The following SRGAP3 variants were observed in gnomAD, a reference collection of about 807,000 sequenced individuals.
SRGAP3 encodes the protein SLIT-ROBO Rho GTPase-activating protein 3.
SRGAP3 carries 39 observed loss-of-function variants against 121.1 expected under a neutral mutation model. The observed-to-expected ratio is 0.32, with a 90% CI of 0.25 to 0.42. SRGAP3 has a LOEUF of 0.42. Among genes scored for constraint, SRGAP3 ranks in the 10% least tolerant of loss-of-function variants. The pLI is 1.00. For synonymous variants in SRGAP3, 601 were observed against 570.0 expected (o/e 1.05, Z -0.77); for missense variants, 1,213 against 1,470.6 (o/e 0.82, Z 2.86).
intron 14 of SRGAP3, among the ~76,000 whole-genome samples, chr3:9,022,238 G>C (rs1024257918): frequency 1.3e-5 from 2 of 152,220 alleles, no homozygotes; most frequent in Admixed American, 1.3e-4. Context: ...TGAGGCAGGA[G>C]AATCACTTGA....
At chr3:9,071,326 C>T (rs1368323903) in intron 4 of SRGAP3, among the ~76,000 whole-genome samples, 1 of 152,068 alleles carries the variant, frequency 6.6e-6, no homozygotes. Flanking sequence ...TCTCAGTACA[C>T]GTGGTTCATG....
At chr3:9,066,047 C>T (rs901774011) in intron 4 of SRGAP3, among the ~76,000 whole-genome samples, 11 of 152,114 alleles carry the variant, frequency 7.2e-5, no homozygotes, top group Non-Finnish European at 1.5e-4. Context: ...GATCCTCCTG[C>T]CTCAGCCTCC....
In SRGAP3 at chr3:8,982,045, A is replaced by G. The variant is rs757487137; in HGVS notation, c.*3474T>C. On this transcript the variant is annotated 3_prime_UTR_variant, in exon 22 of 22. Transcript: ENST00000383836. Reference sequence around the variant, plus strand: ...TAAGAGGAAAAGGGAATAAAAGGGGACGGGGAGAGTGGGGTAGGAAGCACA... The same window carrying G: ...TAAGAGGAAAAGGGAATAAAAGGGGGCGGGGAGAGTGGGGTAGGAAGCACA... 37 of 225,830 alleles carry G rather than the reference A, an allele frequency of 1.6e-4. No homozygotes were observed. Among genetic ancestry groups the G allele is most frequent in the Admixed American group, 2.9e-4 (5 of 17,506 alleles). 14.0% of individuals were successfully genotyped at this position (225,830 alleles called of 1,614,324 possible). A position where few individuals can be genotyped will look rare whatever the true frequency, so the allele number is the denominator to read the frequency against.
chr3:9,348,587 G>T, intron 1 of SRGAP3: 1 of 884,170 alleles, frequency 1.1e-6, no homozygotes, highest in South Asian at 1.3e-5. Context: ...GTGAGAAGCC[G>T]GCTGAGTTTG....
intron 14 of SRGAP3, among the ~76,000 whole-genome samples, chr3:9,017,186 A>G (rs1472985312): frequency 6.6e-6 from 1 of 152,228 alleles, no homozygotes; most frequent in Admixed American, 6.5e-5. Flanking sequence ...TTGCTACAGA[A>G]GAGTCATAAA....
intron 1 of SRGAP3, among the ~76,000 whole-genome samples, chr3:9,149,006 G>A (rs1950118779): frequency 6.6e-6 from 1 of 152,022 alleles, no homozygotes; most frequent in East Asian, 1.9e-4. Context: ...ACAAGGTCGG[G>A]AGTTCGAGAC....
chr3:9,206,730 C>T (rs748028434), intron 1 of SRGAP3, among the ~76,000 whole-genome samples: 7 of 152,158 alleles, frequency 4.6e-5, no homozygotes, highest in Admixed American at 6.5e-5. Flanking sequence ...CCCCAGAGGC[C>T]TCCTTTGTCC....
chr3:9,302,822 A>AG (rs1955087811), intron 3 of SRGAP3, among the ~76,000 whole-genome samples: 1 of 152,236 alleles, frequency 6.6e-6, no homozygotes, highest in African/African-American at 2.4e-5. Flanking sequence ...CCCGGGTACA[A>AG]GGGGGAGAGG....
At chr3:9,255,558 C>T (rs759635546) in intron 3 of SRGAP3, among the ~76,000 whole-genome samples, 8 of 152,206 alleles carry the variant, frequency 5.3e-5, no homozygotes, top group Non-Finnish European at 1.2e-4. Flanking sequence ...GCTGGGGCCC[C>T]TGGCTATCCC....
chr3:9,066,600 A>C (rs6787701), intron 4 of SRGAP3, among the ~76,000 whole-genome samples: 1 of 152,082 alleles, frequency 6.6e-6, no homozygotes, highest in Admixed American at 6.6e-5. Flanking sequence ...CCTGGGTTCA[A>C]GTGATTCTCC....
At chr3:9,313,132 T>A (rs1332593792) in intron 3 of SRGAP3, among the ~76,000 whole-genome samples, 1 of 152,164 alleles carries the variant, frequency 6.6e-6, no homozygotes, top group African/African-American at 2.4e-5. Flanking sequence ...AAGTGCTTAC[T>A]CCACTCCTCC....
rs112677457 is a variant in SRGAP3, at chr3:9,004,550, T to C, written c.2227+5758A>G. 6.0e-3 allele frequency among the ~76,000 whole-genome samples: 918 copies of C among 152,310 alleles called. 14 individuals carry two copies. Among genetic ancestry groups the C allele is most frequent in the African/African-American group, 0.021 (882 of 41,564 alleles). On this transcript the variant is annotated intron_variant, in intron 18 of 21. Transcript: ENST00000383836. ...CAAAGCAACAGTAATGAAGACAGTA[T>C]AGTACCAACACAGAGATAGACATAT...
rs1213171750 is a variant in SRGAP3 at position 9,218,953 on chromosome 3, G to A, written c.67+29932C>T. 6.6e-6 allele frequency among the ~76,000 whole-genome samples: 1 copy of A among 152,164 alleles called. No homozygotes were observed. The highest frequency in any genetic ancestry group is 1.5e-5 in the Non-Finnish European group (1 of 68,038). On this transcript the variant is annotated intron_variant, in intron 1 of 21. Transcript: ENST00000383836. This position sits in a 1 kb window ranked among gnomAD's most constrained non-coding sequence, Gnocchi z 5.3. ...CTCCCAAAGTGTTGGGATTACAGGC[G>A]TGAGCCACTGCGCCCAGCCTATTTT...
intron 1 of SRGAP3, among the ~76,000 whole-genome samples, chr3:9,130,969 C>G (rs1949423601): frequency 6.6e-6 from 1 of 152,236 alleles, no homozygotes. Flanking sequence ...AACCCTCCAG[C>G]AGTTTGCCGG....
intron 1 of SRGAP3, among the ~76,000 whole-genome samples, chr3:9,173,713 T>C (rs1951070374): frequency 6.6e-6 from 1 of 151,978 alleles, no homozygotes; most frequent in African/African-American, 2.4e-5. Context: ...TCCTCCCCAT[T>C]CTTCAGGCCA....
Position 8,990,850 on chromosome 3 carries a change from G to A in SRGAP3, c.2559-11C>T, listed in dbSNP as rs776938851. The A allele has an allele frequency of 6.6e-7, 1 of 1,504,922 alleles. No individual in the cohort carries two copies. The highest frequency in any genetic ancestry group is 8.8e-7 in the Non-Finnish European group (1 of 1,134,840). The allele number at this position is 1,504,922 out of a possible 1,614,324, so 93.2% of individuals were successfully genotyped here. A position where few individuals can be genotyped will look rare whatever the true frequency, so the allele number is the denominator to read the frequency against. On this transcript the variant is annotated splice_polypyrimidine_tract_variant and intron_variant, in intron 20 of 21. Coordinates refer to ENST00000383836, the MANE Select transcript of SRGAP3 (RefSeq NM_014850.4). ...GATCGTAACCGCACTCTGCAAAGGAGCCAGGGGGCGAGGGGCATGGGGCAG... is the reference window on the plus strand; with the variant it reads ...GATCGTAACCGCACTCTGCAAAGGAACCAGGGGGCGAGGGGCATGGGGCAG...
At chr3:9,301,532 A>T (rs73124622) in intron 3 of SRGAP3, among the ~76,000 whole-genome samples, 1 of 152,216 alleles carries the variant, frequency 6.6e-6, no homozygotes, top group African/African-American at 2.4e-5. Flanking sequence ...AAGAGCAGAA[A>T]GAAATCTCAC....
intron 18 of SRGAP3, among the ~76,000 whole-genome samples, chr3:8,997,708 G>A (rs938853001): frequency 6.6e-6 from 1 of 152,138 alleles, no homozygotes; most frequent in Non-Finnish European, 1.5e-5. Context: ...GAATTTCACA[G>A]TGAACATGCA....
intron 3 of SRGAP3, among the ~76,000 whole-genome samples, chr3:9,291,178 G>T (rs955783483): frequency 1.3e-5 from 2 of 151,988 alleles, no homozygotes; most frequent in African/African-American, 2.4e-5. Context: ...AATTCATCTC[G>T]GCACTTTCTG....
Sources: allele counts gnomAD v4.1 joint callset (sites outside exome capture counted in the v4.1 genomes callset), GRCh38; gene constraint gnomAD v4.1.1; non-coding constraint Gnocchi (gnomAD v3.1); transcripts MANE v1.5; gene names NCBI Gene and HGNC (gene_info 2026-07-23, HGNC 2026-07-21).